Variants in PKNOX2 observed in about 807,000 individuals in gnomAD.
PKNOX2 encodes homeobox protein PKNOX2.
Under a neutral mutation model 53.1 loss-of-function variants are expected in PKNOX2, and 14 were observed. That is an observed-to-expected ratio of 0.26 (90% CI 0.17 to 0.41). The LOEUF (loss-of-function observed/expected upper bound fraction) is 0.41. Among genes scored for constraint, PKNOX2 ranks in the 10% least tolerant of loss-of-function variants. PKNOX2 has a pLI of 1.00. For missense variants in PKNOX2, 496 were observed against 602.8 expected, an observed-to-expected ratio of 0.82 and a Z score of 1.85; for synonymous variants, 257 against 242.8, an observed-to-expected ratio of 1.06 and a Z score of -0.54.
Position 125,351,328 on chromosome 11 carries a change from C to T in PKNOX2, c.23C>T (p.Ala8Val), listed in dbSNP as rs779536685. 3.7e-6 allele frequency: 6 copies of T among 1,605,096 alleles called. No homozygotes were observed. The highest frequency in any genetic ancestry group is 1.3e-5 in the African/African-American group (1 of 74,906). The change falls in exon 4 of 13, where the codon GCC becomes GTC. Residue 8 changes from alanine (A) to valine (V), a missense_variant. This residue lies in a region of PKNOX2 where 168 missense variants were observed against 178.4 expected (regional missense o/e 0.94). Transcript: ENST00000298282. MMQHASP[A>V]PALTMMATQN... ...CCCATGATGCAACATGCCTCCCCAGCCCCCGCTCTGACGATGATGGCCACG... is the reference window on the plus strand; with the variant it reads ...CCCATGATGCAACATGCCTCCCCAGTCCCCGCTCTGACGATGATGGCCACG...
At position 125,178,553 on chromosome 11, in the gene PKNOX2, GGAAGGAAGGAAC is replaced by G. The variant is rs1565462231; in HGVS notation, c.-201+13789_-201+13800del. Among the ~76,000 whole-genome samples, 50 of 112,232 alleles carry G rather than the reference GGAAGGAAGGAAC, an allele frequency of 4.5e-4. 2 individuals carry two copies. The East Asian group carries it at 6.5e-3, about 15-fold the overall frequency. 73.6% of individuals were successfully genotyped at this position (112,232 alleles called of 152,430 possible). A position where few individuals can be genotyped will look rare whatever the true frequency, so the allele number is the denominator to read the frequency against. On this transcript the variant is annotated intron_variant, in intron 1 of 12. Coordinates refer to ENST00000298282, the MANE Select transcript of PKNOX2 (RefSeq NM_001382323.2). Reference sequence around the variant, plus strand: ...AAGAAAGAAAGGGAGAGAGAGAGAAGGAAGGAAGGAACGAAGGAAGGAAGGAAGGAAGGAAGG... The same window carrying G: ...AAGAAAGAAAGGGAGAGAGAGAGAAGGAAGGAAGGAAGGAAGGAAGGAAGG...
intron 10 of PKNOX2, among the ~76,000 whole-genome samples, chr11:125,419,284 C>T (rs977036885): frequency 3.3e-5 from 5 of 151,806 alleles, no homozygotes; most frequent in African/African-American, 9.7e-5. Flanking sequence ...ATAGAATAAG[C>T]GGATGGGCGT....
chr11:125,389,793 T>C (rs1169308903), intron 6 of PKNOX2, among the ~76,000 whole-genome samples: 1 of 152,184 alleles, frequency 6.6e-6, no homozygotes, highest in African/African-American at 2.4e-5. Context: ...ATGCATGGAA[T>C]TTTTTTATGT....
chr11:125,274,701 A>T (rs560931609), intron 2 of PKNOX2, among the ~76,000 whole-genome samples: 1 of 151,974 alleles, frequency 6.6e-6, no homozygotes, highest in Non-Finnish European at 1.5e-5. Context: ...GCCTTTGTCT[A>T]CTCTCTTAGA....
intron 7 of PKNOX2, 37 bp downstream of exon 7, chr11:125,398,099 G>T (rs916347044): frequency 4.1e-5 from 65 of 1,575,500 alleles, no homozygotes; most frequent in Non-Finnish European, 5.3e-5. Flanking sequence ...CTTAAGCCAG[G>T]CTCCTAAGCC....
At chr11:125,275,170 C>T (rs560127525) in intron 2 of PKNOX2, among the ~76,000 whole-genome samples, 11 of 152,282 alleles carry the variant, frequency 7.2e-5, no homozygotes, top group African/African-American at 2.4e-4. Context: ...GAAGGTAAAG[C>T]AGGCTCTGGT....
At chr11:125,333,877 C>T (rs1459803634) in intron 3 of PKNOX2, among the ~76,000 whole-genome samples, 1 of 152,178 alleles carries the variant, frequency 6.6e-6, no homozygotes, top group Non-Finnish European at 1.5e-5. Context: ...AGCAATTACA[C>T]ATCGGTTTGG....
intron 1 of PKNOX2, among the ~76,000 whole-genome samples, chr11:125,211,265 G>A (rs1180698846): frequency 6.6e-6 from 1 of 152,102 alleles, no homozygotes; most frequent in Non-Finnish European, 1.5e-5. Flanking sequence ...GTAGGCAAGG[G>A]TTTCTCAATC....
chr11:125,389,771 G>A (rs543152855), intron 6 of PKNOX2, among the ~76,000 whole-genome samples: 3 of 152,168 alleles, frequency 2.0e-5, no homozygotes, highest in African/African-American at 4.8e-5. Flanking sequence ...TAAAACGTAC[G>A]GTTTCAGTTT....
At chr11:125,396,265 T>C (rs1351968856) in intron 6 of PKNOX2, among the ~76,000 whole-genome samples, 1 of 152,178 alleles carries the variant, frequency 6.6e-6, no homozygotes, top group African/African-American at 2.4e-5. Context: ...GGATCATGCT[T>C]TTGGTGTCAA....
At chr11:125,353,526 C>T (rs1951427987) in intron 4 of PKNOX2, among the ~76,000 whole-genome samples, 1 of 152,222 alleles carries the variant, frequency 6.6e-6, no homozygotes, top group African/African-American at 2.4e-5. Flanking sequence ...CCAGAAGTCA[C>T]CACTGAGCTG....
chr11:125,335,879 G>A (rs1950411209), intron 3 of PKNOX2, among the ~76,000 whole-genome samples: 1 of 152,116 alleles, frequency 6.6e-6, no homozygotes. Flanking sequence ...GAGGTCCCAA[G>A]CAGGCCAGAT....
At position 125,321,363 on chromosome 11, in the gene PKNOX2, T is replaced by C. The variant is rs561211024; in HGVS notation, c.-129-10456T>C. 2.5e-4 allele frequency among the ~76,000 whole-genome samples: 38 copies of C among 152,326 alleles called. 1 individual carries two copies. Among genetic ancestry groups the C allele is most frequent in the South Asian group, 8.3e-4 (4 of 4,822 alleles). ...AAAATTCACAGATGCTCAAGTCCCT[T>C]ATATAAAATGGTGTAGTATTTGCAT... is the stretch of plus-strand genomic sequence containing the variant. On this transcript the variant is annotated intron_variant, in intron 2 of 12. Coordinates refer to ENST00000298282, the MANE Select transcript of PKNOX2 (RefSeq NM_001382323.2).
At chr11:125,430,584 G>A (rs565276323) in intron 12 of PKNOX2, among the ~76,000 whole-genome samples, 1 of 152,292 alleles carries the variant, frequency 6.6e-6, no homozygotes, top group Admixed American at 6.5e-5. Context: ...GTCGCCTAGT[G>A]CACAATGAAT....
intron 2 of PKNOX2, among the ~76,000 whole-genome samples, chr11:125,246,412 T>A (rs960570030): frequency 3.3e-5 from 5 of 152,212 alleles, no homozygotes; most frequent in Non-Finnish European, 7.3e-5. Flanking sequence ...ATAGTCATAA[T>A]GGCAATTAAA....
In PKNOX2 at chr11:125,351,355, A is replaced by C; in HGVS notation, c.50A>C (p.Gln17Pro). Residue 17 changes from glutamine to proline, a missense_variant, in exon 4 of 13, where the codon CAG becomes CCG. Around this residue, in one of 5 missense-constraint regions of PKNOX2, gnomAD observed 168 missense variants for 178.4 expected, o/e 0.94. Coordinates refer to ENST00000298282, the MANE Select transcript of PKNOX2 (RefSeq NM_001382323.2). ...PAPALTMMAT[Q>P]NVPPPPYQDS... Reference sequence around the variant, plus strand: ...CCCGCTCTGACGATGATGGCCACGCAGAATGTCCCGCCCCCACCCTACCAG... The same window carrying C: ...CCCGCTCTGACGATGATGGCCACGCCGAATGTCCCGCCCCCACCCTACCAG... 1 of 1,609,560 alleles carries C rather than the reference A, an allele frequency of 6.2e-7. No individual in the cohort carries two copies. The highest frequency in any genetic ancestry group is 8.5e-7 in the Non-Finnish European group (1 of 1,177,352).
chr11:125,328,936 G>A (rs1049713125), intron 2 of PKNOX2, among the ~76,000 whole-genome samples: 1 of 152,202 alleles, frequency 6.6e-6, no homozygotes, highest in Non-Finnish European at 1.5e-5. Flanking sequence ...TGACCTTCCT[G>A]CAAGTAATTT....
chr11:125,213,511 T>A (rs1940118041), intron 1 of PKNOX2, among the ~76,000 whole-genome samples: 1 of 152,064 alleles, frequency 6.6e-6, no homozygotes, highest in Non-Finnish European at 1.5e-5. Flanking sequence ...CAGGCTGGAG[T>A]ACAGTGCACA....
At position 125,403,210 on chromosome 11, in the gene PKNOX2, G is replaced by A. The variant is rs144800056; in HGVS notation, c.588+5148G>A. Among the ~76,000 whole-genome samples the A allele has an allele frequency of 1.1e-4, 16 of 152,254 alleles. No individual in the cohort carries two copies. In the East Asian group the frequency reaches 2.7e-3, roughly 26 times the overall value. On this transcript the variant is annotated intron_variant, in intron 7 of 12. Coordinates refer to ENST00000298282, the MANE Select transcript of PKNOX2 (RefSeq NM_001382323.2). Reference sequence around the variant, plus strand: ...TTCTGGGGATATAAAAAATGGATGCGACACAGTCCCAGGTCTCCAAGTGTA... The same window carrying A: ...TTCTGGGGATATAAAAAATGGATGCAACACAGTCCCAGGTCTCCAAGTGTA...
Sources: gnomAD v4.1 joint callset for allele counts (sites outside exome capture counted in the v4.1 genomes callset) on GRCh38, gnomAD v4.1.1 for gene constraint, gnomAD v4.1.1 regional missense constraint, MANE v1.5 for transcripts, NCBI Gene and HGNC (gene_info 2026-07-23, HGNC 2026-07-21) for gene names.